RBPJ: variants seen among roughly 807,000 people sequenced by gnomAD.
RBPJ encodes the protein recombining binding protein suppressor of hairless.
In RBPJ, 9 loss-of-function variants were observed where a neutral mutation model predicts 67.8. The ratio of observed to expected loss-of-function variants is 0.13; its 90% CI spans 0.08 to 0.23. RBPJ has a LOEUF of 0.23. RBPJ is among the 10% of genes least tolerant of loss of function. The pLI, the probability that RBPJ is intolerant of heterozygous loss-of-function variation, is 1.00. For synonymous variants in RBPJ, 198 were observed against 203.3 expected, an observed-to-expected ratio of 0.97 and a Z score of 0.22; for missense variants, 305 against 595.6, an observed-to-expected ratio of 0.51 and a Z score of 5.08.
intron 1 of RBPJ, among the ~76,000 whole-genome samples, chr4:26,302,907 G>T (rs111789469): frequency 2.2e-3 from 337 of 152,184 alleles, no homozygotes; most frequent in South Asian, 0.011. Context: ...CTGGCTGGGC[G>T]CAGTGGCCTA....
At chr4:26,393,840 TA>T (rs968876972) in intron 2 of RBPJ, among the ~76,000 whole-genome samples, 2,791 of 147,468 alleles carry the variant, frequency 0.019, 65 homozygotes, top group African/African-American at 0.054. Context: ...TTTTATTCCT[TA>T]AAAAAAAAAA....
chr4:26,225,516 G>A (rs73245735), intron 1 of RBPJ, among the ~76,000 whole-genome samples: 9,662 of 152,178 alleles, frequency 0.063, 458 homozygotes, highest in Non-Finnish European at 0.1. Context: ...GTATGATACA[G>A]TAATGGTGGA....
chr4:26,120,756 CA>C, the RBPJ span, among the ~76,000 whole-genome samples: 1 of 106,346 alleles, frequency 9.4e-6, no homozygotes, highest in African/African-American at 3.8e-5. Context: ...GGAAAATAAG[CA>C]ATATCCCAGC....
At chr4:26,181,161 T>C (rs1716974095) in intron 1 of RBPJ, among the ~76,000 whole-genome samples, 1 of 152,204 alleles carries the variant, frequency 6.6e-6, no homozygotes, top group Admixed American at 6.5e-5. Flanking sequence ...ATTAGCAGCG[T>C]TGGGAACAGA....
intron 1 of RBPJ, among the ~76,000 whole-genome samples, chr4:26,216,961 CTT>C (rs904963029): frequency 1.3e-5 from 2 of 151,880 alleles, no homozygotes; most frequent in African/African-American, 4.8e-5. Flanking sequence ...CCAGGTGTGT[CTT>C]TGAAAAAAAT....
At chr4:26,251,401 C>T (rs1185835975) in intron 1 of RBPJ, among the ~76,000 whole-genome samples, 4 of 152,040 alleles carry the variant, frequency 2.6e-5, no homozygotes, top group African/African-American at 7.2e-5. Context: ...CATGGGAGGC[C>T]GAGGCAGGTG....
At chr4:26,140,512 C>T in the RBPJ span, among the ~76,000 whole-genome samples, 4 of 152,254 alleles carry the variant, frequency 2.6e-5, no homozygotes, top group East Asian at 3.9e-4. Context: ...GATCTCCATT[C>T]GTGGTGACAA....
At chr4:26,399,121 G>A (rs562028511) in intron 2 of RBPJ, among the ~76,000 whole-genome samples, 13 of 151,964 alleles carry the variant, frequency 8.6e-5, no homozygotes, top group East Asian at 5.8e-4. Context: ...AGTTATTCCC[G>A]CCACCACCCC....
the RBPJ span, among the ~76,000 whole-genome samples, chr4:26,114,500 T>C: frequency 1.3e-5 from 2 of 148,834 alleles, no homozygotes; most frequent in South Asian, 4.3e-4. Flanking sequence ...TATATATATG[T>C]ATGTGTGTGT....
intron 1 of RBPJ, chr4:26,362,397 G>GT (rs1728159118): frequency 3.3e-6 from 4 of 1,223,210 alleles, no homozygotes; most frequent in Non-Finnish European, 3.3e-6. Context: ...TGCACTAGCA[G>GT]TTTAACATAC....
chr4:26,263,524 G>A (rs570393865), intron 1 of RBPJ, among the ~76,000 whole-genome samples: 48 of 152,282 alleles, frequency 3.2e-4, no homozygotes, highest in South Asian at 1.4e-3. Context: ...GCAATTACAT[G>A]ATTGTTTCCT....
chr4:26,268,215 A>ACCCTGTCTTT lies in RBPJ; in HGVS notation c.-166-94231_-166-94230insCCCTGTCTTT, dbSNP rs1720766848. Among the ~76,000 whole-genome samples the ACCCTGTCTTT allele has an allele frequency of 3.3e-5, 5 of 152,298 alleles. No individual in the cohort carries two copies. In the South Asian group the frequency reaches 1.0e-3, roughly 32 times the overall value. ...TGCTTTATATTCAACCAAGTCAGAA[A>ACCCTGTCTTT]ACCATGTTCTTTGTTTGCCTCATTC... On this transcript the variant is annotated intron_variant, in intron 1 of 4. Transcript: ENST00000512351.
intron 1 of RBPJ, among the ~76,000 whole-genome samples, chr4:26,248,070 A>T (rs1175892228): frequency 6.6e-6 from 1 of 152,158 alleles, no homozygotes; most frequent in Non-Finnish European, 1.5e-5. Context: ...GAGGCGGGGC[A>T]TCATGAGGTC....
chr4:26,416,511 T>C (rs1275257849), intron 4 of RBPJ, among the ~76,000 whole-genome samples: 1 of 152,224 alleles, frequency 6.6e-6, no homozygotes, highest in Non-Finnish European at 1.5e-5. Flanking sequence ...ATTACGGGTG[T>C]GTGCCACCGT....
At chr4:26,265,370 A>G (rs1037548883) in intron 1 of RBPJ, among the ~76,000 whole-genome samples, 2 of 152,048 alleles carry the variant, frequency 1.3e-5, no homozygotes, top group African/African-American at 2.4e-5. Context: ...CTTTACTAAA[A>G]ATACAAAAAT....
the RBPJ span, among the ~76,000 whole-genome samples, chr4:26,109,481 TATATATATATAC>T: frequency 1.7e-4 from 9 of 52,644 alleles, no homozygotes; most frequent in African/African-American, 2.9e-4. Flanking sequence ...TATATATATA[TATATATATATAC>T]ACACACACAT....
the RBPJ span, among the ~76,000 whole-genome samples, chr4:26,108,929 T>A: frequency 4.6e-5 from 7 of 152,186 alleles, no homozygotes; most frequent in African/African-American, 1.7e-4. Context: ...CTTCTGGGGA[T>A]AAAAGACACT....
chr4:26,226,098 A>G (rs1333813252), intron 1 of RBPJ, among the ~76,000 whole-genome samples: 2 of 151,284 alleles, frequency 1.3e-5, no homozygotes, highest in Admixed American at 1.3e-4. Context: ...GCAGTGAGCC[A>G]AGATCATGCA....
At position 26,424,588 on chromosome 4, in the gene RBPJ, T is replaced by C. The variant is rs1363591968; in HGVS notation, c.635-43T>C. On this transcript the variant is annotated intron_variant, in intron 6 of 10. Coordinates refer to ENST00000355476, the MANE Select transcript of RBPJ (RefSeq NM_015874.6). The surrounding 1 kb of genome is among the most constrained non-coding windows in gnomAD (Gnocchi z 5.3). ...GTCATTTGCCTAATCATAAAATAAA[T>C]TTAAAAAGATGACAATTTGATTTAT... 3 of 1,561,710 alleles carry C rather than the reference T, an allele frequency of 1.9e-6. No homozygotes were observed. Among genetic ancestry groups the C allele is most frequent in the Admixed American group, 1.8e-5 (1 of 56,818 alleles).
Sources: allele counts gnomAD v4.1 joint callset (sites outside exome capture counted in the v4.1 genomes callset), GRCh38; gene constraint gnomAD v4.1.1; non-coding constraint Gnocchi (gnomAD v3.1); transcripts MANE v1.5; gene names NCBI Gene and HGNC (gene_info 2026-07-23, HGNC 2026-07-21).